The following HMG20A variants were observed in gnomAD, a reference collection of about 807,000 sequenced individuals.
HMG20A encodes high mobility group 20A.
HMG20A carries 17 observed loss-of-function variants against 43.9 expected under a neutral mutation model. The ratio of observed to expected loss-of-function variants is 0.39; its 90% confidence interval spans 0.27 to 0.58. HMG20A has a LOEUF of 0.58. Ranked by LOEUF, HMG20A falls within the 20% of genes least tolerant of loss-of-function variation. HMG20A has a pLI of 0.59. For synonymous variants in HMG20A, 132 were observed against 147.5 expected, an observed-to-expected ratio of 0.89 and a Z score of 0.76; for missense variants, 341 against 438.2, an observed-to-expected ratio of 0.78 and a Z score of 1.98.
chr15:77,489,136 ATAGAG>A (rs2072959690), downstream of HMG20A, among the ~76,000 whole-genome samples: 1 of 152,228 alleles, frequency 6.6e-6, no homozygotes, highest in African/African-American at 2.4e-5. Context: ...AGTGCCTCTC[ATAGAG>A]TAGAAGACAC....
intron 1 of HMG20A, among the ~76,000 whole-genome samples, chr15:77,439,353 C>T (rs1403546809): frequency 6.6e-6 from 1 of 152,064 alleles, no homozygotes; most frequent in African/African-American, 2.4e-5. Context: ...ATATATGTGC[C>T]TGTGAATATT....
At chr15:77,436,446 C>G (rs2073549264) in intron 1 of HMG20A, among the ~76,000 whole-genome samples, 1 of 151,848 alleles carries the variant, frequency 6.6e-6, no homozygotes, top group Admixed American at 6.6e-5. Context: ...CTTTATAGAT[C>G]CATTTTCTTT....
intron 1 of HMG20A, among the ~76,000 whole-genome samples, chr15:77,438,581 G>T (rs918023176): frequency 2.6e-5 from 4 of 152,090 alleles, no homozygotes; most frequent in African/African-American, 9.7e-5. Flanking sequence ...GCTTGGGTTT[G>T]CTTTCTCCAT....
the HMG20A span, among the ~76,000 whole-genome samples, chr15:77,491,528 A>C: frequency 6.6e-6 from 1 of 152,196 alleles, no homozygotes; most frequent in Non-Finnish European, 1.5e-5. Context: ...CCAAGTACTC[A>C]CTATGTGTTT....
downstream of HMG20A, among the ~76,000 whole-genome samples, chr15:77,489,039 T>C (rs1372144820): frequency 6.6e-6 from 1 of 152,238 alleles, no homozygotes; most frequent in Non-Finnish European, 1.5e-5. Flanking sequence ...GACTTAAGTT[T>C]TCTCATCTGT....
At chr15:77,507,755 G>A in the HMG20A span, among the ~76,000 whole-genome samples, 1 of 152,196 alleles carries the variant, frequency 6.6e-6, no homozygotes, top group South Asian at 2.1e-4. Flanking sequence ...ACAGGTGCGG[G>A]CAGAGTGGTT....
At chr15:77,442,961 G>A (rs1567394128) in intron 1 of HMG20A, among the ~76,000 whole-genome samples, 1 of 150,428 alleles carries the variant, frequency 6.6e-6, no homozygotes, top group Non-Finnish European at 1.5e-5. Context: ...GCTGAAGGTT[G>A]AGTTTAAAAC....
intron 1 of HMG20A, among the ~76,000 whole-genome samples, chr15:77,452,509 CAA>C (rs1397855838): frequency 3.3e-5 from 5 of 152,076 alleles, no homozygotes; most frequent in Non-Finnish European, 7.4e-5. Context: ...ATTGGCCAAA[CAA>C]GAGAGACTGG....
Position 77,484,900 on chromosome 15 carries a change from C to G in HMG20A, c.*1937C>G, listed in dbSNP as rs2072934867. 1 of 152,202 alleles carries G rather than the reference C, an allele frequency of 6.6e-6. No homozygotes were observed. The highest frequency in any genetic ancestry group is 1.5e-5 in the Non-Finnish European group (1 of 68,056). 9.4% of individuals were successfully genotyped at this position (152,202 alleles called of 1,614,324 possible). A position where few individuals can be genotyped will look rare whatever the true frequency, so the allele number is the denominator to read the frequency against. On this transcript the variant is annotated 3_prime_UTR_variant, in exon 10 of 10. Transcript: ENST00000336216. ...TGCCAGATGCTTTGTGTCCTGTCTT[C>G]CTTCCTCCTCATATTTCTGTTTCTC...
At position 77,464,233 on chromosome 15, in the gene HMG20A, T is replaced by C; in HGVS notation, c.90-7T>C. 1 of 1,613,004 alleles carries C rather than the reference T, an allele frequency of 6.2e-7. No homozygotes were observed. Among genetic ancestry groups the C allele is most frequent in the Non-Finnish European group, 8.5e-7 (1 of 1,179,336 alleles). On this transcript the variant is annotated splice_polypyrimidine_tract_variant and splice_region_variant and intron_variant, in intron 2 of 9. Transcript: ENST00000336216. ...TTGTGTTGTTGATACTTCTGCCTATTATTCAGGTTAAATCACCCAGAGGTT... is the reference window on the plus strand; with the variant it reads ...TTGTGTTGTTGATACTTCTGCCTATCATTCAGGTTAAATCACCCAGAGGTT...
chr15:77,469,954 C>T (rs1026255965), intron 4 of HMG20A, among the ~76,000 whole-genome samples: 6 of 152,104 alleles, frequency 3.9e-5, no homozygotes, highest in African/African-American at 1.2e-4. Context: ...GTGCGTGAGC[C>T]ACCACGCTCA....
chr15:77,423,302 A>G (rs1249699956), intron 1 of HMG20A, among the ~76,000 whole-genome samples: 1 of 152,144 alleles, frequency 6.6e-6, no homozygotes, highest in African/African-American at 2.4e-5. Flanking sequence ...TGAAAAATAG[A>G]GAGAGAAGGT....
At chr15:77,497,682 A>AGAGT in the HMG20A span, among the ~76,000 whole-genome samples, 142 of 119,080 alleles carry the variant, frequency 1.2e-3, no homozygotes, top group Admixed American at 2.5e-3. Flanking sequence ...AGAGAGAGAG[A>AGAGT]GTGTGTGTGT....
chr15:77,430,900 G>T (rs2073478009), intron 1 of HMG20A, among the ~76,000 whole-genome samples: 1 of 152,158 alleles, frequency 6.6e-6, no homozygotes, highest in Non-Finnish European at 1.5e-5. Context: ...AGGAGAGAAA[G>T]TTAGAAGCAG....
In HMG20A at chr15:77,464,203, A is replaced by G. The variant is rs758272872; in HGVS notation, c.90-37A>G. The stretch of plus-strand genomic sequence containing the variant: ...ATCTAGAACCTTAGTAAATAGGTGG[A>G]GTTTTTGTGTTGTTGATACTTCTGC... On this transcript the variant is annotated intron_variant, in intron 2 of 9. Transcript: ENST00000336216. The G allele has an allele frequency of 2.5e-6, 4 of 1,604,728 alleles. No individual in the cohort carries two copies. In the Admixed American group the frequency reaches 6.7e-5, roughly 27 times the overall value.
Position 77,420,918 on chromosome 15 carries a change from G to A in HMG20A, c.-91G>A, listed in dbSNP as rs1421383040. ...TGAGACGACGAGTGCGTGAAGTGAA[G>A]GCGATTGAGAGGGGCTGAGGGAATT... On this transcript the variant is annotated 5_prime_UTR_variant, in exon 1 of 10. Coordinates refer to ENST00000336216, the MANE Select transcript of HMG20A (RefSeq NM_001304504.2). 7.5e-6 allele frequency: 3 copies of A among 398,788 alleles called. No individual in the cohort carries two copies. The highest frequency in any genetic ancestry group is 3.6e-5 in the East Asian group (1 of 28,090). 24.7% of individuals were successfully genotyped at this position (398,788 alleles called of 1,614,324 possible).
chr15:77,489,357 G>A (rs1190740333), downstream of HMG20A, among the ~76,000 whole-genome samples: 1 of 152,206 alleles, frequency 6.6e-6, no homozygotes. Context: ...ACAGGGAACA[G>A]GTAGAGAAAT....
chr15:77,463,101 CCTT>C (rs1338224112), intron 2 of HMG20A, among the ~76,000 whole-genome samples: 5 of 152,104 alleles, frequency 3.3e-5, no homozygotes, highest in African/African-American at 7.3e-5. Context: ...TCTTAACTGT[CCTT>C]CTGCTCAGAA....
chr15:77,487,985 C>G (rs2072954440), downstream of HMG20A, among the ~76,000 whole-genome samples: 1 of 152,156 alleles, frequency 6.6e-6, no homozygotes, highest in South Asian at 2.1e-4. Context: ...GACTATGTGT[C>G]TACAGGGGGA....
Sources: gnomAD v4.1 joint callset for allele counts (sites outside exome capture counted in the v4.1 genomes callset) on GRCh38, gnomAD v4.1.1 for gene constraint, MANE v1.5 for transcripts, NCBI Gene and HGNC (gene_info 2026-07-23, HGNC 2026-07-21) for gene names.